Variants in PARD3B observed in about 807,000 individuals in gnomAD.
PARD3B encodes partitioning defective 3 homolog B.
In PARD3B, 103 loss-of-function variants were observed where a neutral mutation model predicts 130.2. That is an observed-to-expected ratio of 0.79 (90% CI 0.67 to 0.93). The LOEUF (loss-of-function observed/expected upper bound fraction) is 0.93, where lower values mean the gene tolerates loss of function less well. PARD3B is among the 40% of genes least tolerant of loss of function. PARD3B has a pLI of 0.00. For synonymous variants in PARD3B, 583 were observed against 553.2 expected, an observed-to-expected ratio of 1.05 and a Z score of -0.76; for missense variants, 1,609 against 1,499.2, an observed-to-expected ratio of 1.07 and a Z score of -1.21.
intron 2 of PARD3B, among the ~76,000 whole-genome samples, chr2:204,913,256 G>A (rs2047313240): frequency 6.6e-6 from 1 of 152,088 alleles, no homozygotes; most frequent in African/African-American, 2.4e-5. Context: ...CAAATGTATA[G>A]ATTGTCTGCA....
chr2:204,904,332 G>A (rs1035578159), intron 2 of PARD3B, among the ~76,000 whole-genome samples: 1 of 144,200 alleles, frequency 6.9e-6, no homozygotes, highest in Non-Finnish European at 1.5e-5. Context: ...TATGATGGAG[G>A]CCTGGCCACA....
At chr2:205,003,066 C>G (rs1694975537) in intron 3 of PARD3B, among the ~76,000 whole-genome samples, 2 of 152,172 alleles carry the variant, frequency 1.3e-5, no homozygotes, top group South Asian at 4.1e-4. Flanking sequence ...GAGAATCTGG[C>G]TTTTTCCAGT....
chr2:204,744,037 A>G (rs899811049), intron 2 of PARD3B, among the ~76,000 whole-genome samples: 5 of 152,202 alleles, frequency 3.3e-5, no homozygotes, highest in African/African-American at 1.2e-4. Flanking sequence ...AAAGTGATCA[A>G]GAAGCTAGAT....
rs1013815146 is a variant in PARD3B at position 205,219,960 on chromosome 2, G to T, written c.2141-25818G>T. Among the ~76,000 whole-genome samples, 4 of 152,284 alleles carry T rather than the reference G, an allele frequency of 2.6e-5. No individual in the cohort carries two copies. The East Asian group carries it at 7.7e-4, about 29-fold the overall frequency. On this transcript the variant is annotated intron_variant, in intron 15 of 22. Transcript: ENST00000406610. ...TTGTAGGAGCCACATAACTTGGTAG[G>T]TTAGCAAATCACACTGGATGACAGA... is the stretch of plus-strand genomic sequence containing the variant.
At chr2:204,774,800 C>T (rs1194793156) in intron 2 of PARD3B, among the ~76,000 whole-genome samples, 1 of 152,052 alleles carries the variant, frequency 6.6e-6, no homozygotes, top group African/African-American at 2.4e-5. Context: ...CCGGAATTTG[C>T]TCAGTATGCT....
intron 2 of PARD3B, among the ~76,000 whole-genome samples, chr2:204,686,892 A>G (rs1433604469): frequency 6.6e-6 from 1 of 152,154 alleles, no homozygotes; most frequent in African/African-American, 2.4e-5. Context: ...GAAGGTGTGA[A>G]AGTATACTAT....
chr2:204,716,189 A>G (rs2038713698), intron 2 of PARD3B, among the ~76,000 whole-genome samples: 1 of 152,148 alleles, frequency 6.6e-6, no homozygotes, highest in Non-Finnish European at 1.5e-5. Flanking sequence ...AGAGATAGTA[A>G]TAGTCTCCAG....
At chr2:204,909,134 A>AC (rs1172741375) in intron 2 of PARD3B, among the ~76,000 whole-genome samples, 1 of 152,172 alleles carries the variant, frequency 6.6e-6, no homozygotes, top group African/African-American at 2.4e-5. Flanking sequence ...CAGATCATCA[A>AC]CCTTAAAAAA....
At chr2:204,855,650 C>T (rs2044903055) in intron 2 of PARD3B, among the ~76,000 whole-genome samples, 1 of 151,688 alleles carries the variant, frequency 6.6e-6, no homozygotes, top group Admixed American at 6.6e-5. Context: ...AAACTTACTC[C>T]TCCAGTCTAA....
intron 4 of PARD3B, among the ~76,000 whole-genome samples, chr2:205,089,416 C>A (rs1468378953): frequency 6.6e-6 from 1 of 152,098 alleles, no homozygotes; most frequent in Non-Finnish European, 1.5e-5. Context: ...GGTGATCCAC[C>A]CACCTTGGCC....
chr2:204,947,969 C>A (rs1689466566), intron 2 of PARD3B, among the ~76,000 whole-genome samples: 2 of 152,126 alleles, frequency 1.3e-5, no homozygotes, highest in African/African-American at 4.8e-5. Context: ...CAGATTTTTT[C>A]ATAATTAAGT....
chr2:204,663,351 C>CTGACA (rs1393349241), intron 1 of PARD3B, among the ~76,000 whole-genome samples: 3 of 152,192 alleles, frequency 2.0e-5, no homozygotes, highest in Non-Finnish European at 4.4e-5. Flanking sequence ...GAGAATATCA[C>CTGACA]CCGCATCCCT....
rs561827192 is a variant in PARD3B at position 204,800,485 on chromosome 2, A to G, written c.222+114203A>G. On this transcript the variant is annotated intron_variant, in intron 2 of 22. Transcript: ENST00000406610. ...AGTTTATTCAAATGGATAATAACAG[A>G]ACTTTCCTAAACTAGAAAAATATAT... Among the ~76,000 whole-genome samples the G allele has an allele frequency of 3.3e-5, 5 of 152,316 alleles. No individual in the cohort carries two copies. The South Asian group carries it at 1.0e-3, about 32-fold the overall frequency.
intron 2 of PARD3B, among the ~76,000 whole-genome samples, chr2:204,854,437 GA>G (rs1481843142): frequency 1.3e-5 from 2 of 152,142 alleles, no homozygotes; most frequent in African/African-American, 4.8e-5. Context: ...GGGGGTAAGA[GA>G]AGCAAGGCAG....
intron 1 of PARD3B, among the ~76,000 whole-genome samples, chr2:204,578,061 G>A (rs1438591626): frequency 1.3e-5 from 2 of 152,158 alleles, no homozygotes; most frequent in South Asian, 2.1e-4. Context: ...ATCTTACAAC[G>A]TAGTGGACAG....
intron 2 of PARD3B, among the ~76,000 whole-genome samples, chr2:204,870,154 C>T (rs2045575898): frequency 6.6e-6 from 1 of 152,040 alleles, no homozygotes; most frequent in Non-Finnish European, 1.5e-5. Context: ...TTCCAAGGCC[C>T]CCAATATAAG....
intron 4 of PARD3B, among the ~76,000 whole-genome samples, chr2:205,068,666 T>C (rs1700540999): frequency 6.6e-6 from 1 of 152,168 alleles, no homozygotes; most frequent in Non-Finnish European, 1.5e-5. Flanking sequence ...CACTGAAACA[T>C]GTTTGTTTCT....
intron 15 of PARD3B, among the ~76,000 whole-genome samples, chr2:205,222,429 A>G (rs187733081): frequency 6.6e-6 from 1 of 152,336 alleles, no homozygotes; most frequent in Non-Finnish European, 1.5e-5. Flanking sequence ...TGAAATGAAG[A>G]TAATAAAACC....
chr2:205,436,724 GCTT>G (rs2047530655), intron 19 of PARD3B, among the ~76,000 whole-genome samples: 1 of 152,016 alleles, frequency 6.6e-6, no homozygotes, highest in South Asian at 2.1e-4. Flanking sequence ...TGCCCTGGTG[GCTT>G]CTTTTCTACG....
Sources: allele counts gnomAD v4.1 joint callset (sites outside exome capture counted in the v4.1 genomes callset), GRCh38; gene constraint gnomAD v4.1.1; transcripts MANE v1.5; gene names NCBI Gene and HGNC (gene_info 2026-07-23, HGNC 2026-07-21).